STK32B: variants seen among roughly 807,000 people sequenced by gnomAD.
STK32B encodes serine/threonine kinase 32B, also known as serine/threonine-protein kinase 32B.
In STK32B, 43 loss-of-function variants were observed where a neutral mutation model predicts 52.6. The ratio of observed to expected loss-of-function variants is 0.82; its 90% CI spans 0.64 to 1.05. The LOEUF is 1.05. Ranked by LOEUF, STK32B falls within the 50% of genes least tolerant of loss-of-function variation. The pLI is 0.00. For synonymous variants in STK32B, 238 were observed against 204.3 expected (o/e 1.17, Z -1.41); for missense variants, 621 against 534.6 (o/e 1.16, Z -1.59).
chr4:5,161,633 G>A (rs1321394390), intron 2 of STK32B, among the ~76,000 whole-genome samples: 1 of 152,168 alleles, frequency 6.6e-6, no homozygotes, highest in Non-Finnish European at 1.5e-5. Flanking sequence ...GGCTGTTGCT[G>A]GCTGTAAGTG....
chr4:5,148,898 T>C (rs1394468439), intron 2 of STK32B, among the ~76,000 whole-genome samples: 1 of 151,804 alleles, frequency 6.6e-6, no homozygotes, highest in Non-Finnish European at 1.5e-5. Context: ...TACGTTGAGA[T>C]TTGTTGTTAG....
rs1452441863 is a variant in STK32B, at chr4:5,249,437, ACCTACCTT to A, written c.260+80991_260+80998del. On this transcript the variant is annotated intron_variant, in intron 3 of 11. Transcript: ENST00000282908. ...GCCTGTCTGTTCTTCCTTCCTTCCT[ACCTACCTT>A]CCTTCCTTCCTTCCTTCCTTCCTTC... Among the ~76,000 whole-genome samples, 128 of 107,652 alleles carry A rather than the reference ACCTACCTT, an allele frequency of 1.2e-3. 2 individuals carry two copies. The highest frequency in any genetic ancestry group is 1.3e-3 in the Non-Finnish European group (70 of 55,876). 70.6% of individuals were successfully genotyped at this position (107,652 alleles called of 152,430 possible).
chr4:5,424,334 T>A (rs902164615), intron 6 of STK32B, among the ~76,000 whole-genome samples: 1 of 152,110 alleles, frequency 6.6e-6, no homozygotes, highest in Admixed American at 6.5e-5. Context: ...TGGGTCCCCA[T>A]GAAGCCCCAC....
intron 3 of STK32B, among the ~76,000 whole-genome samples, chr4:5,255,961 C>G (rs892763741): frequency 3.3e-5 from 5 of 152,152 alleles, no homozygotes; most frequent in African/African-American, 9.7e-5. Flanking sequence ...AATGGAGTGA[C>G]ACACACAGAG....
In STK32B at chr4:5,386,635, A is replaced by G. The variant is rs1449007822; in HGVS notation, c.435-11572A>G. On this transcript the variant is annotated intron_variant, in intron 4 of 11. Coordinates refer to ENST00000282908, the MANE Select transcript of STK32B (RefSeq NM_018401.3). This position sits in a 1 kb window ranked among gnomAD's most constrained non-coding sequence, Gnocchi z 4.5. ...TCCCAATGACCCAGATAAAATCCAC[A>G]CTGTCAAGTTTACAAGAGTCAGGAA... 6.6e-6 allele frequency among the ~76,000 whole-genome samples: 1 copy of G among 152,164 alleles called. No homozygotes were observed. The highest frequency in any genetic ancestry group is 1.9e-4 in the East Asian group (1 of 5,192).
Position 5,139,948 on chromosome 4 carries a change from G to A in STK32B, c.96G>A (p.Gly32=). The A allele has an allele frequency of 6.2e-7, 1 of 1,614,180 alleles. No homozygotes were observed. Among genetic ancestry groups the A allele is most frequent in the Non-Finnish European group, 8.5e-7 (1 of 1,180,026 alleles). The change falls in exon 2 of 12, where the codon GGG becomes GGA. Residue 32 remains glycine, a synonymous_variant. Transcript: ENST00000282908. The part of the protein sequence containing the change: ...HFQILRAIGK[G]SFGKVCIVQK... ...AGATTCTGCGGGCCATTGGTAAAGG[G>A]AGTTTTGGAAAGGTAAGAATATAAA...
intron 3 of STK32B, among the ~76,000 whole-genome samples, chr4:5,170,948 C>T (rs1256123315): frequency 5.9e-5 from 9 of 152,206 alleles, no homozygotes; most frequent in Non-Finnish European, 1.5e-5. Context: ...TCCTATTTCT[C>T]CACATCCTCT....
chr4:5,382,703 A>T (rs1207893517), intron 4 of STK32B, among the ~76,000 whole-genome samples: 4 of 152,160 alleles, frequency 2.6e-5, no homozygotes, highest in Non-Finnish European at 2.9e-5. Flanking sequence ...AGGTTTTCTT[A>T]TTTGGAAATT....
chr4:5,207,584 C>G (rs770517073), intron 3 of STK32B, among the ~76,000 whole-genome samples: 1 of 151,980 alleles, frequency 6.6e-6, no homozygotes, highest in Non-Finnish European at 1.5e-5. Context: ...TGAAAATGGA[C>G]TAATACACCC....
chr4:5,245,969 T>A (rs553401182), intron 3 of STK32B, among the ~76,000 whole-genome samples: 22 of 152,352 alleles, frequency 1.4e-4, no homozygotes, highest in African/African-American at 5.1e-4. Context: ...CTTCCCTTTG[T>A]GGGTAACCCG....
At chr4:5,037,919 T>C in the STK32B span, among the ~76,000 whole-genome samples, 1 of 152,138 alleles carries the variant, frequency 6.6e-6, no homozygotes. Context: ...TTTGGGTGAA[T>C]GAATGGATAA....
At chr4:5,301,437 T>C (rs565433949) in intron 3 of STK32B, among the ~76,000 whole-genome samples, 2 of 152,138 alleles carry the variant, frequency 1.3e-5, no homozygotes, top group African/African-American at 4.8e-5. Context: ...TTTATATTAC[T>C]AATTGAATCT....
At chr4:5,108,176 G>T (rs746807549) in intron 1 of STK32B, among the ~76,000 whole-genome samples, 1 of 152,172 alleles carries the variant, frequency 6.6e-6, no homozygotes, top group Non-Finnish European at 1.5e-5. Context: ...TGTTTCCGAG[G>T]ATGTGACCTG....
At chr4:5,337,941 A>C (rs538947244) in intron 4 of STK32B, among the ~76,000 whole-genome samples, 11 of 152,310 alleles carry the variant, frequency 7.2e-5, no homozygotes, top group African/African-American at 2.6e-4. Flanking sequence ...AAGACGGCTA[A>C]ATCTTTGTCT....
chr4:5,448,024 G>T (rs1715628085), intron 7 of STK32B, among the ~76,000 whole-genome samples: 2 of 152,324 alleles, frequency 1.3e-5, no homozygotes, highest in African/African-American at 4.8e-5. Flanking sequence ...GTGTCCCATT[G>T]CATGGTTGTA....
intron 3 of STK32B, among the ~76,000 whole-genome samples, chr4:5,169,020 C>T (rs114379781): frequency 1.8e-3 from 272 of 152,276 alleles, no homozygotes; most frequent in African/African-American, 6.1e-3. Flanking sequence ...TGTGCTTTTG[C>T]GTGTGAAATA....
At chr4:5,102,189 C>T (rs1413816469) in intron 1 of STK32B, among the ~76,000 whole-genome samples, 1 of 152,212 alleles carries the variant, frequency 6.6e-6, no homozygotes, top group Non-Finnish European at 1.5e-5. Flanking sequence ...TCAGTTTCCT[C>T]ATTTGTAAAA....
chr4:5,205,277 G>C (rs539477843), intron 3 of STK32B, among the ~76,000 whole-genome samples: 1 of 152,230 alleles, frequency 6.6e-6, no homozygotes, highest in East Asian at 1.9e-4. Flanking sequence ...AGCTTTTCTG[G>C]TGTCCAGCTT....
At chr4:5,178,064 G>A (rs193184678) in intron 3 of STK32B, among the ~76,000 whole-genome samples, 1 of 152,206 alleles carries the variant, frequency 6.6e-6, no homozygotes, top group South Asian at 2.1e-4. Flanking sequence ...CTCTGTGTGG[G>A]GGCTCTGCTC....
Sources: gnomAD v4.1 joint callset for allele counts (sites outside exome capture counted in the v4.1 genomes callset) on GRCh38, gnomAD v4.1.1 for gene constraint, Gnocchi (gnomAD v3.1) non-coding constraint, MANE v1.5 for transcripts, NCBI Gene and HGNC (gene_info 2026-07-23, HGNC 2026-07-21) for gene names.